Variants in SMARCA2 observed in about 807,000 individuals in gnomAD.
SMARCA2 encodes SWI/SNF-related matrix-associated actin-dependent regulator of chromatin subfamily A member 2.
SMARCA2 carries 61 observed loss-of-function variants against 199.8 expected under a neutral mutation model. The ratio of observed to expected loss-of-function variants is 0.31; its 90% CI spans 0.25 to 0.38. SMARCA2 has a LOEUF of 0.38. SMARCA2 is among the 10% of genes least tolerant of loss of function. The pLI is 1.00. For synonymous variants in SMARCA2, 935 were observed against 732.0 expected, an observed-to-expected ratio of 1.28 and a Z score of -4.48; for missense variants, 1,344 against 2,012.2, an observed-to-expected ratio of 0.67 and a Z score of 6.35.
Position 2,095,403 on chromosome 9 carries a change from T to TAA in SMARCA2, c.2884-1245_2884-1244dup. Among the ~76,000 whole-genome samples, 3 of 147,340 alleles carry TAA rather than the reference T, an allele frequency of 2.0e-5. No homozygotes were observed. The Middle Eastern group carries it at 0.01, about 515-fold the overall frequency. On this transcript the variant is annotated intron_variant, in intron 19 of 33. Coordinates refer to ENST00000349721, the MANE Select transcript of SMARCA2 (RefSeq NM_003070.5). ...CGGGCCAAATTATAGAAAATTTTCA[T>TAA]AAAAAAAAAAGGAGAAGTACTTTAA...
At chr9:2,188,020 C>T (rs763245579) in intron 32 of SMARCA2, among the ~76,000 whole-genome samples, 4 of 152,054 alleles carry the variant, frequency 2.6e-5, no homozygotes, top group East Asian at 1.9e-4. Context: ...TAGAATTACA[C>T]GTTTTTTTAC....
chr9:2,029,061 A>G lies in SMARCA2; in HGVS notation c.39A>G (p.Pro13=). Reference sequence around the variant, plus strand: ...CAGACCCTGGTGCGATGCCCCACCCAGGGCCTTCGCCGGGGCCTGGGCCTT... The same window carrying G: ...CAGACCCTGGTGCGATGCCCCACCCGGGGCCTTCGCCGGGGCCTGGGCCTT... ...TPTDPGAMPH[P]GPSPGPGPSP... Residue 13 remains proline, a synonymous_variant, in exon 2 of 34, where the codon CCA becomes CCG. Transcript: ENST00000349721. The G allele has an allele frequency of 6.4e-7, 1 of 1,559,098 alleles. No homozygotes were observed. Among genetic ancestry groups the G allele is most frequent in the Non-Finnish European group, 8.7e-7 (1 of 1,150,726 alleles).
rs770442017 is a variant in SMARCA2, at chr9:2,054,736, C to A, written c.1173+13C>A. 1.9e-6 allele frequency: 3 copies of A among 1,613,484 alleles called. No individual in the cohort carries two copies. Among genetic ancestry groups the A allele is most frequent in the Non-Finnish European group, 2.5e-6 (3 of 1,179,570 alleles). ...TTTCCAGCGTCAGGTAATACATTTT[C>A]CCCAGTGAATCTGAGATGTAGGAAA... On this transcript the variant is annotated intron_variant, in intron 6 of 33. Transcript: ENST00000349721.
intron 8 of SMARCA2, among the ~76,000 whole-genome samples, chr9:2,059,553 G>T (rs1820495814): frequency 6.6e-6 from 1 of 152,160 alleles, no homozygotes; most frequent in African/African-American, 2.4e-5. Context: ...TTCAGTAACA[G>T]ATTGGTTTGA....
At chr9:2,113,965 T>C (rs2130592991) in intron 24 of SMARCA2, among the ~76,000 whole-genome samples, 1 of 152,324 alleles carries the variant, frequency 6.6e-6, no homozygotes, top group East Asian at 1.9e-4. Flanking sequence ...ATCAGCCTTC[T>C]GGTGAGAACA....
chr9:2,118,122 G>A (rs974801676), intron 25 of SMARCA2, among the ~76,000 whole-genome samples: 1 of 152,116 alleles, frequency 6.6e-6, no homozygotes, highest in African/African-American at 2.4e-5. Flanking sequence ...GTGATGAGAG[G>A]GTAATGTGTG....
intron 32 of SMARCA2, among the ~76,000 whole-genome samples, chr9:2,187,675 TA>T (rs532066208): frequency 3.3e-5 from 5 of 150,330 alleles, no homozygotes; most frequent in African/African-American, 7.3e-5. Flanking sequence ...AAACTCTATC[TA>T]AAAAAAAAAT....
Position 2,119,982 on chromosome 9 carries a change from C to A in SMARCA2, c.3762+447C>A, listed in dbSNP as rs547977654. Among the ~76,000 whole-genome samples the A allele has an allele frequency of 1.3e-5, 2 of 152,210 alleles. No homozygotes were observed. Among genetic ancestry groups the A allele is most frequent in the East Asian group, 3.8e-4 (2 of 5,202 alleles). ...TGGCTCCTATAGGCATTGGAACTTA[C>A]AACAGTGCCCTTACAGGATCAAAGC... On this transcript the variant is annotated intron_variant, in intron 26 of 33. Coordinates refer to ENST00000349721, the MANE Select transcript of SMARCA2 (RefSeq NM_003070.5). The surrounding 1 kb of genome is among the most constrained non-coding windows in gnomAD (Gnocchi z 4.6).
chr9:2,077,558 T>C, intron 13 of SMARCA2, 71 bp from the exon 14 acceptor site: 1 of 1,489,908 alleles, frequency 6.7e-7, no homozygotes, highest in Non-Finnish European at 9.3e-7. Flanking sequence ...CTCAAATCAT[T>C]TTTTGAGTGA....
chr9:2,140,233 A>G (rs375567303), intron 27 of SMARCA2, among the ~76,000 whole-genome samples: 2 of 152,348 alleles, frequency 1.3e-5, no homozygotes, highest in South Asian at 4.1e-4. Context: ...AACAGGATCC[A>G]ATTTGTTCAT....
chr9:2,116,484 A>G (rs1379892773), intron 25 of SMARCA2, among the ~76,000 whole-genome samples: 2 of 152,182 alleles, frequency 1.3e-5, no homozygotes, highest in Non-Finnish European at 2.9e-5. Flanking sequence ...GAGCTTCAAC[A>G]TGTTTGTAGG....
In SMARCA2 at chr9:2,161,692, G is replaced by A; in HGVS notation, c.3988G>A (p.Glu1330Lys). ...CTTTGTTTCCAACGAACAGGCCATC[G>A]AAGACGGCAATTTGGAGGAAATGGA... The part of the protein sequence containing the change: ...LTEKQWLRAI[E>K]DGNLEEMEEE... The change falls in exon 28 of 34, where the codon GAA becomes AAA. Residue 1330 changes from glutamate to lysine, a missense_variant. This residue lies in a region of SMARCA2 where 16 missense variants were observed against 29.7 expected (regional missense o/e 0.54). Transcript: ENST00000349721. The surrounding 1 kb of genome is among the most constrained non-coding windows in gnomAD (Gnocchi z 4.7). 1.9e-6 allele frequency: 3 copies of A among 1,612,112 alleles called. No homozygotes were observed. The highest frequency in any genetic ancestry group is 2.5e-6 in the Non-Finnish European group (3 of 1,178,546).
intron 27 of SMARCA2, chr9:2,158,782 GTAATC>G: frequency 4.0e-6 from 2 of 502,406 alleles, no homozygotes; most frequent in Non-Finnish European, 6.8e-6. Context: ...ACATGCAGGA[GTAATC>G]TTACTCTACT....
chr9:2,103,391 A>C (rs1434095239), intron 22 of SMARCA2, among the ~76,000 whole-genome samples: 1 of 152,198 alleles, frequency 6.6e-6, no homozygotes. Context: ...AGAAGGCATC[A>C]CATGTTGCTG....
chr9:2,087,821 T>C (rs1446279880), intron 18 of SMARCA2, among the ~76,000 whole-genome samples: 1 of 152,244 alleles, frequency 6.6e-6, no homozygotes, highest in Non-Finnish European at 1.5e-5. Context: ...TTGAGGCACA[T>C]GGGCCCATCC....
chr9:2,058,192 A>T, intron 7 of SMARCA2, 99 bp from the exon 8 acceptor site: 1 of 1,028,960 alleles, frequency 9.7e-7, no homozygotes, highest in Non-Finnish European at 1.5e-6. Context: ...CTATGCTGTT[A>T]AACACACACT....
intron 27 of SMARCA2, chr9:2,160,573 A>G (rs555820489): frequency 2.3e-4 from 161 of 702,144 alleles, no homozygotes; most frequent in Non-Finnish European, 3.6e-4. Context: ...TGTTATACTC[A>G]CATGATCATA....
At chr9:2,020,557 G>C (rs528477989) in intron 1 of SMARCA2, among the ~76,000 whole-genome samples, 1 of 152,130 alleles carries the variant, frequency 6.6e-6, no homozygotes, top group African/African-American at 2.4e-5. Context: ...ATGAAAGAGA[G>C]CATATTTATT....
chr9:2,082,998 C>CT (rs1563756665), intron 15 of SMARCA2, among the ~76,000 whole-genome samples: 2 of 152,092 alleles, frequency 1.3e-5, no homozygotes, highest in South Asian at 2.1e-4. Context: ...CCTGACTCAT[C>CT]TTTTTTCTGA....
Sources: gnomAD v4.1 joint callset for allele counts (sites outside exome capture counted in the v4.1 genomes callset) on GRCh38, gnomAD v4.1.1 for gene constraint, gnomAD v4.1.1 regional missense constraint, Gnocchi (gnomAD v3.1) non-coding constraint, MANE v1.5 for transcripts, NCBI Gene and HGNC (gene_info 2026-07-23, HGNC 2026-07-21) for gene names.